MAGI2: variants seen among roughly 807,000 people sequenced by gnomAD.
MAGI2 encodes membrane-associated guanylate kinase, WW and PDZ domain-containing protein 2.
MAGI2 carries 35 observed loss-of-function variants against 133.3 expected under a neutral mutation model. The ratio of observed to expected loss-of-function variants is 0.26; its 90% CI spans 0.20 to 0.35. MAGI2 has a LOEUF of 0.35. Among genes scored for constraint, MAGI2 ranks in the 10% least tolerant of loss-of-function variants. MAGI2 has a pLI of 1.00. For missense variants in MAGI2, 1,636 were observed against 1,863.4 expected (o/e 0.88, Z 2.25); for synonymous variants, 729 against 710.6 (o/e 1.03, Z -0.41).
chr7:78,507,283 G>A lies in MAGI2; in HGVS notation c.755-5496C>T, dbSNP rs117991494. Among the ~76,000 whole-genome samples the A allele has an allele frequency of 8.0e-3, 1,214 of 152,276 alleles. 7 individuals carry two copies. Among genetic ancestry groups the A allele is most frequent in the South Asian group, 0.037 (180 of 4,826 alleles). ...TCACAAAGGCTCACCTAGGGATACG[G>A]TTTAATGTGAGAATCAAGGGCTTCT... On this transcript the variant is annotated intron_variant, in intron 4 of 21. Transcript: ENST00000354212.
At chr7:78,892,142 T>G (rs1256326799) in intron 2 of MAGI2, among the ~76,000 whole-genome samples, 1 of 152,040 alleles carries the variant, frequency 6.6e-6, no homozygotes, top group Non-Finnish European at 1.5e-5. Flanking sequence ...GCTTCATAGA[T>G]AATAAAATAC....
chr7:78,841,856 G>C (rs1175462670), intron 2 of MAGI2, among the ~76,000 whole-genome samples: 1 of 151,786 alleles, frequency 6.6e-6, no homozygotes, highest in African/African-American at 2.4e-5. Context: ...GATTTTCCCA[G>C]GAATTTTTCT....
At chr7:78,647,976 T>G (rs1811078318) in intron 2 of MAGI2, among the ~76,000 whole-genome samples, 1 of 151,938 alleles carries the variant, frequency 6.6e-6, no homozygotes, top group Admixed American at 6.6e-5. Flanking sequence ...CAGGGGAACA[T>G]TACACTCCAG....
chr7:79,174,120 G>A (rs138480064), intron 1 of MAGI2, among the ~76,000 whole-genome samples: 50 of 152,060 alleles, frequency 3.3e-4, no homozygotes, highest in Non-Finnish European at 6.0e-4. Context: ...AAGTGTTCAC[G>A]TGTGTCAGCG....
At chr7:78,495,364 T>G (rs1793994215) in intron 5 of MAGI2, among the ~76,000 whole-genome samples, 1 of 152,152 alleles carries the variant, frequency 6.6e-6, no homozygotes, top group South Asian at 2.1e-4. Flanking sequence ...CATGCGGTGT[T>G]TGGTTTTCTG....
intron 16 of MAGI2, among the ~76,000 whole-genome samples, chr7:78,140,270 T>TC (rs1216776201): frequency 1.3e-5 from 2 of 151,874 alleles, no homozygotes; most frequent in Non-Finnish European, 2.9e-5. Context: ...GATTATTAGA[T>TC]CCCCCCTTCT....
intron 7 of MAGI2, among the ~76,000 whole-genome samples, chr7:78,363,528 TAA>T: frequency 6.7e-6 from 1 of 150,298 alleles, no homozygotes; most frequent in Non-Finnish European, 1.5e-5. Context: ...ATAATAATAA[TAA>T]TAATTCTGAA....
intron 9 of MAGI2, among the ~76,000 whole-genome samples, chr7:78,262,730 T>C (rs1554310561): frequency 6.6e-6 from 1 of 152,178 alleles, no homozygotes; most frequent in Non-Finnish European, 1.5e-5. Flanking sequence ...AAAGAGAGGA[T>C]TGAACCAGAT....
intron 3 of MAGI2, among the ~76,000 whole-genome samples, chr7:78,533,524 A>G (rs907203254): frequency 1.3e-5 from 2 of 152,190 alleles, no homozygotes; most frequent in African/African-American, 4.8e-5. Flanking sequence ...ACACACACAT[A>G]AGGTCATCTG....
chr7:78,278,399 C>G (rs1034593182), intron 9 of MAGI2, among the ~76,000 whole-genome samples: 3 of 152,056 alleles, frequency 2.0e-5, no homozygotes, highest in African/African-American at 7.2e-5. Flanking sequence ...CCTGCACTCC[C>G]GCCTTGTGTT....
At chr7:78,536,582 T>C (rs183256177) in intron 3 of MAGI2, among the ~76,000 whole-genome samples, 173 of 152,202 alleles carry the variant, frequency 1.1e-3, no homozygotes, top group Non-Finnish European at 2.0e-3. Flanking sequence ...AACAGAGTAA[T>C]GGTTAGGAAG....
intron 4 of MAGI2, among the ~76,000 whole-genome samples, chr7:78,520,918 G>T (rs1327043534): frequency 6.6e-6 from 1 of 152,076 alleles, no homozygotes; most frequent in African/African-American, 2.4e-5. Context: ...AAATATATGG[G>T]CATTCTGCAG....
chr7:78,065,452 C>A, intron 21 of MAGI2: 1 of 574,456 alleles, frequency 1.7e-6, no homozygotes. Context: ...TACATATATT[C>A]CAGAACTCTA....
chr7:79,362,674 T>G (rs1259211557), intron 1 of MAGI2, among the ~76,000 whole-genome samples: 1 of 151,910 alleles, frequency 6.6e-6, no homozygotes, highest in African/African-American at 2.4e-5. Flanking sequence ...ATCAACAAGC[T>G]AAAAAAGAAA....
At chr7:78,480,812 C>T (rs1221676139) in intron 6 of MAGI2, among the ~76,000 whole-genome samples, 1 of 151,806 alleles carries the variant, frequency 6.6e-6, no homozygotes, top group Non-Finnish European at 1.5e-5. Flanking sequence ...AAACACAATA[C>T]CCATTTACAT....
intron 2 of MAGI2, among the ~76,000 whole-genome samples, chr7:78,963,448 C>A (rs568880617): frequency 1.6e-4 from 24 of 152,088 alleles, no homozygotes; most frequent in African/African-American, 4.8e-4. Context: ...GTAGAAAATG[C>A]GTGAGATCTG....
intron 2 of MAGI2, among the ~76,000 whole-genome samples, chr7:78,988,911 AG>A (rs1349649003): frequency 2.0e-5 from 3 of 152,134 alleles, no homozygotes; most frequent in Non-Finnish European, 4.4e-5. Flanking sequence ...GATGACATAG[AG>A]TAATTGATCT....
At chr7:78,158,730 C>A (rs1314688106) in intron 16 of MAGI2, among the ~76,000 whole-genome samples, 1 of 152,206 alleles carries the variant, frequency 6.6e-6, no homozygotes, top group Non-Finnish European at 1.5e-5. Flanking sequence ...GAAAGACCCG[C>A]TTCTTGCCTG....
intron 6 of MAGI2, among the ~76,000 whole-genome samples, chr7:78,381,599 T>C (rs1794930323): frequency 6.6e-6 from 1 of 151,942 alleles, no homozygotes; most frequent in East Asian, 1.9e-4. Context: ...CTTTTTTAAA[T>C]GGAAGGGAAA....
Sources: allele counts gnomAD v4.1 joint callset (sites outside exome capture counted in the v4.1 genomes callset), GRCh38; gene constraint gnomAD v4.1.1; transcripts MANE v1.5; gene names NCBI Gene and HGNC (gene_info 2026-07-23, HGNC 2026-07-21).